HIPK3: variants seen among roughly 807,000 people sequenced by gnomAD.
HIPK3 encodes the protein homeodomain interacting protein kinase 3, also known as homeodomain-interacting protein kinase 3.
In HIPK3, 47 loss-of-function variants were observed where a neutral mutation model predicts 124.2. The observed-to-expected ratio is 0.38, with a 90% confidence interval of 0.30 to 0.48. The LOEUF is 0.48. Ranked by LOEUF, HIPK3 falls within the 20% of genes least tolerant of loss-of-function variation. HIPK3 has a pLI of 0.98. For missense variants in HIPK3, 1,286 were observed against 1,454.3 expected (o/e 0.88, Z 1.88); for synonymous variants, 482 against 515.2 (o/e 0.94, Z 0.87).
intron 2 of HIPK3, among the ~76,000 whole-genome samples, chr11:33,313,976 G>A (rs2133947754): frequency 6.6e-6 from 1 of 152,120 alleles, no homozygotes; most frequent in African/African-American, 2.4e-5. Flanking sequence ...CCAAGTAGCT[G>A]GGACTGAAGG....
At chr11:33,272,885 A>C (rs1263674743) in intron 1 of HIPK3, among the ~76,000 whole-genome samples, 1 of 124,102 alleles carries the variant, frequency 8.1e-6, no homozygotes, top group African/African-American at 3.1e-5. Context: ...TTGCTTTGTC[A>C]CCCAGGCTAG....
At chr11:33,294,388 A>G (rs974121300) in intron 2 of HIPK3, among the ~76,000 whole-genome samples, 1 of 151,818 alleles carries the variant, frequency 6.6e-6, no homozygotes, top group African/African-American at 2.4e-5. Flanking sequence ...AGTTTTATCA[A>G]TCATTCTCTC....
chr11:33,270,279 C>T (rs143218313), intron 1 of HIPK3, among the ~76,000 whole-genome samples: 1 of 152,020 alleles, frequency 6.6e-6, no homozygotes, highest in Non-Finnish European at 1.5e-5. Context: ...CATGCCTGGC[C>T]TGCCTTTTGT....
Position 33,339,411 on chromosome 11 carries a change from A to G in HIPK3, c.1490A>G (p.Glu497Gly). 1 of 1,613,622 alleles carries G rather than the reference A, an allele frequency of 6.2e-7. No individual in the cohort carries two copies. The highest frequency in any genetic ancestry group is 8.5e-7 in the Non-Finnish European group (1 of 1,179,658). ...TTGGCTGAGAAAGCTGATAGAAGAG[A>G]ATTTGTTAGTCTGTTGAAGAAAATG... ...DLLAEKADRR[E>G]FVSLLKKMLL... is the part of the protein sequence containing the mutation. Residue 497 changes from glutamate to glycine, a missense_variant, in exon 6 of 17, where the codon GAA becomes GGA. By Grantham distance (98) the Glu-to-Gly change is moderately conservative. This residue lies in a region of HIPK3 where 810 missense variants were observed against 864.9 expected (regional missense o/e 0.94). Transcript: ENST00000303296.
At chr11:33,278,735 T>G (rs1031383012) in intron 1 of HIPK3, among the ~76,000 whole-genome samples, 2 of 152,024 alleles carry the variant, frequency 1.3e-5, no homozygotes, top group African/African-American at 4.8e-5. Context: ...TCCCAGCTAC[T>G]CGGAAGGCTG....
intron 2 of HIPK3, among the ~76,000 whole-genome samples, chr11:33,326,928 A>G (rs1172787019): frequency 6.6e-6 from 1 of 152,028 alleles, no homozygotes; most frequent in Non-Finnish European, 1.5e-5. Flanking sequence ...CAATCCTACC[A>G]TGTTGGCCTC....
intron 16 of HIPK3, 81 bp from the exon 17 acceptor site, chr11:33,353,011 T>C (rs1460176960): frequency 1.2e-6 from 1 of 800,384 alleles, no homozygotes; most frequent in Non-Finnish European, 2.0e-6. Context: ...ACAAAGGGTA[T>C]ATTGTAATTT....
chr11:33,353,368 C>A lies in HIPK3; in HGVS notation c.3448C>A (p.Pro1150Thr). The A allele has an allele frequency of 1.2e-6, 2 of 1,614,170 alleles. No individual in the cohort carries two copies. Among genetic ancestry groups the A allele is most frequent in the Non-Finnish European group, 1.7e-6 (2 of 1,180,014 alleles). ...PCTSRPMLQHPTYNISHPSGI... is the reference protein window; with the variant it reads ...PCTSRPMLQHTTYNISHPSGI... ...TACCTCAAGACCTATGTTACAGCAT[C>A]CAACTTATAATATCTCCCATCCCAG... The change falls in exon 17 of 17, where the codon CCA (proline) becomes ACA (threonine). Residue 1150 changes from proline (P) to threonine (T), a missense_variant. This residue lies in a region of HIPK3 where 810 missense variants were observed against 864.9 expected (regional missense o/e 0.94). Transcript: ENST00000303296.
At chr11:33,323,653 G>A (rs1852729891) in intron 2 of HIPK3, among the ~76,000 whole-genome samples, 1 of 152,186 alleles carries the variant, frequency 6.6e-6, no homozygotes, top group South Asian at 2.1e-4. Context: ...GTGACTTCTA[G>A]TGGATAAAAT....
At position 33,286,420 on chromosome 11, in the gene HIPK3, C is replaced by T. The variant is rs564039184; in HGVS notation, c.6C>T (p.Ala2=). Residue 2 remains alanine, a synonymous_variant, in exon 2 of 17, where the codon GCC becomes GCT. Transcript: ENST00000303296. ...TTTTTTTTTTTTTTGCAGGTATGGC[C>T]TCACAAGTCTTGGTCTACCCACCAT... M[A]SQVLVYPPYV... is the part of the protein sequence containing the mutation. The T allele has an allele frequency of 3.4e-6, 5 of 1,479,012 alleles. No individual in the cohort carries two copies. In the East Asian group the frequency reaches 1.2e-4, roughly 36 times the overall value. The allele number at this position is 1,479,012 out of a possible 1,614,324, so 91.6% of individuals were successfully genotyped here.
At chr11:33,323,460 C>A (rs1852723235) in intron 2 of HIPK3, among the ~76,000 whole-genome samples, 1 of 152,174 alleles carries the variant, frequency 6.6e-6, no homozygotes, top group Admixed American at 6.5e-5. Context: ...CCAGGCTGGT[C>A]TTGAACTCCT....
chr11:33,322,613 G>T (rs1852697733), intron 2 of HIPK3, among the ~76,000 whole-genome samples: 1 of 152,018 alleles, frequency 6.6e-6, no homozygotes, highest in South Asian at 2.1e-4. Flanking sequence ...ATCACTTGAG[G>T]CCAGGAGTTC....
rs775503615 is a variant in HIPK3 at position 33,338,840 on chromosome 11, G to T, written c.1425G>T (p.Ala475=). 1.9e-6 allele frequency: 3 copies of T among 1,605,776 alleles called. No homozygotes were observed. The highest frequency in any genetic ancestry group is 2.2e-5 in the East Asian group (1 of 44,756). The stretch of plus-strand genomic sequence containing the variant: ...TTTTCAACAGTCTGGATGATGTAGC[G>T]CATGTGAGTACCATAGCCACATTTG... The part of the protein sequence containing the change: ...KYIFNSLDDV[A]HVNTVMDLEG... Residue 475 remains alanine (A), a synonymous_variant, in exon 5 of 17, where the codon GCG becomes GCT. Transcript: ENST00000303296.
At position 33,337,063 on chromosome 11, in the gene HIPK3, A is replaced by C; in HGVS notation, c.1222-12A>C. ...AAGAATAAACTATTCTGTTCTGTAA[A>C]TTATTTTTCAGATTCGATACATTTC... On this transcript the variant is annotated splice_polypyrimidine_tract_variant and intron_variant, in intron 3 of 16. Transcript: ENST00000303296. 6.3e-7 allele frequency: 1 copy of C among 1,585,006 alleles called. No individual in the cohort carries two copies. The highest frequency in any genetic ancestry group is 8.6e-7 in the Non-Finnish European group (1 of 1,161,250).
At chr11:33,271,131 T>C (rs1013687098) in intron 1 of HIPK3, among the ~76,000 whole-genome samples, 1 of 152,326 alleles carries the variant, frequency 6.6e-6, no homozygotes. Context: ...TTCACTCAAA[T>C]TGCAAGGTTC....
At chr11:33,348,963 A>G in intron 13 of HIPK3, 145 bp downstream of exon 13, 1 of 915,034 alleles carries the variant, frequency 1.1e-6, no homozygotes, top group Non-Finnish European at 1.6e-6. Context: ...TAGACAGGGA[A>G]CTTTCTAAAT....
chr11:33,294,704 A>G (rs1486683051), intron 2 of HIPK3, among the ~76,000 whole-genome samples: 2 of 152,156 alleles, frequency 1.3e-5, no homozygotes, highest in African/African-American at 4.8e-5. Flanking sequence ...TCCTGGGCAC[A>G]AGCAATCCTT....
chr11:33,274,072 T>C (rs1451646259), intron 1 of HIPK3, among the ~76,000 whole-genome samples: 4 of 152,218 alleles, frequency 2.6e-5, no homozygotes, highest in Non-Finnish European at 5.9e-5. Context: ...AAAAGTTTTA[T>C]AGAACCTGAC....
intron 2 of HIPK3, among the ~76,000 whole-genome samples, chr11:33,310,790 A>C (rs1003567661): frequency 6.6e-6 from 1 of 152,248 alleles, no homozygotes; most frequent in Non-Finnish European, 1.5e-5. Flanking sequence ...GTGAGTCTAC[A>C]TGAAATCTTC....
Sources: allele counts gnomAD v4.1 joint callset (sites outside exome capture counted in the v4.1 genomes callset), GRCh38; gene constraint gnomAD v4.1.1; regional missense constraint gnomAD v4.1.1; transcripts MANE v1.5; gene names NCBI Gene and HGNC (gene_info 2026-07-23, HGNC 2026-07-21).